The following TBC1D2 variants were observed in gnomAD, a reference collection of about 807,000 sequenced individuals.
TBC1D2 encodes TBC1 domain family member 2.
TBC1D2 carries 58 observed loss-of-function variants against 91.1 expected under a neutral mutation model. The ratio of observed to expected loss-of-function variants is 0.64; its 90% confidence interval spans 0.52 to 0.79. TBC1D2 has a LOEUF of 0.79. Ranked by LOEUF, TBC1D2 falls within the 30% of genes least tolerant of loss-of-function variation. The probability of loss-of-function intolerance (pLI) is 0.00; values close to 1 mark genes in which losing one functional copy is unlikely to be tolerated. For synonymous variants in TBC1D2, 482 were observed against 511.5 expected, an observed-to-expected ratio of 0.94 and a Z score of 0.78; for missense variants, 1,080 against 1,208.3, an observed-to-expected ratio of 0.89 and a Z score of 1.57.
At chr9:98,199,850 G>A (rs1828439244) in intron 12 of TBC1D2, among the ~76,000 whole-genome samples, 1 of 152,204 alleles carries the variant, frequency 6.6e-6, no homozygotes, top group African/African-American at 2.4e-5. Context: ...ACCCACGTGT[G>A]AGCTGAGTTT....
rs760847361 is a variant in TBC1D2, at chr9:98,224,821, G to C, written c.979-3593C>G. On this transcript the variant is annotated intron_variant, in intron 5 of 12. Transcript: ENST00000465784. ...CTCGGTTCCCATTCTGGATCCGTGGGGGGTGTATCTAACGAGGTGACTCTA... is the reference window on the plus strand; with the variant it reads ...CTCGGTTCCCATTCTGGATCCGTGGCGGGTGTATCTAACGAGGTGACTCTA... Among the ~76,000 whole-genome samples, 179 of 152,198 alleles carry C rather than the reference G, an allele frequency of 1.2e-3. 1 individual carries two copies. Among genetic ancestry groups the C allele is most frequent in the Non-Finnish European group, 2.0e-3 (133 of 68,004 alleles).
Position 98,242,803 on chromosome 9 carries a change from C to CTTTTTTTTTT in TBC1D2, c.647+1181_647+1190dup, listed in dbSNP as rs36035887. 1.4e-3 allele frequency among the ~76,000 whole-genome samples: 117 copies of CTTTTTTTTTT among 83,164 alleles called. 15 individuals carry two copies. The highest frequency in any genetic ancestry group is 5.6e-3 in the African/African-American group (107 of 19,042). The allele number at this position is 83,164 out of a possible 152,430, so 54.6% of individuals were successfully genotyped here. On this transcript the variant is annotated intron_variant, in intron 3 of 12. Transcript: ENST00000465784. ...TCCAAAGCCCAGGCCACACTGCTGC[C>CTTTTTTTTTT]TTTTTTTTTTTTTTTTTTTTTTTTT...
chr9:98,243,597 T>C (rs1450280155), intron 3 of TBC1D2, among the ~76,000 whole-genome samples: 1 of 147,754 alleles, frequency 6.8e-6, no homozygotes, highest in Non-Finnish European at 1.5e-5. Flanking sequence ...AGTGCAATGG[T>C]GCAATCTCGG....
At chr9:98,224,712 TC>T (rs1218967137) in intron 5 of TBC1D2, among the ~76,000 whole-genome samples, 2 of 152,234 alleles carry the variant, frequency 1.3e-5, no homozygotes, top group South Asian at 2.1e-4. Context: ...TAATCCTTTA[TC>T]TTTTTAGAGC....
intron 11 of TBC1D2, among the ~76,000 whole-genome samples, chr9:98,201,027 A>G (rs906074083): frequency 1.5e-4 from 23 of 151,890 alleles, no homozygotes; most frequent in Non-Finnish European, 8.8e-5. Context: ...AAAAAAAAAA[A>G]AAAGAAAGAA....
At chr9:98,203,251 C>A in intron 10 of TBC1D2, 37 bp downstream of exon 10, 6 of 1,612,668 alleles carry the variant, frequency 3.7e-6, no homozygotes, top group Non-Finnish European at 5.1e-6. Flanking sequence ...GGGCACTGCC[C>A]TACATGGCTG....
intron 8 of TBC1D2, among the ~76,000 whole-genome samples, chr9:98,209,710 CT>C (rs565949265): frequency 0.054 from 7,792 of 143,374 alleles, 378 homozygotes; most frequent in African/African-American, 0.13. Flanking sequence ...TTGCCTAAAT[CT>C]TTTTTTTTTC....
intron 2 of TBC1D2, among the ~76,000 whole-genome samples, chr9:98,251,559 A>G (rs373074376): frequency 3.3e-5 from 5 of 152,302 alleles, no homozygotes; most frequent in African/African-American, 1.2e-4. Flanking sequence ...GGGGAAGGAA[A>G]CAAGCTCAGA....
intron 5 of TBC1D2, 133 bp from the exon 6 acceptor site, chr9:98,221,361 T>C: frequency 8.9e-7 from 1 of 1,117,606 alleles, no homozygotes; most frequent in Non-Finnish European, 1.2e-6. Context: ...CATCTCATCC[T>C]GACACTCACT....
rs180989143 is a variant in TBC1D2 at position 98,227,137 on chromosome 9, C to T, written c.978+1815G>A. On this transcript the variant is annotated intron_variant, in intron 5 of 12. Transcript: ENST00000465784. ...TTCATGCCCTCTCAGCTCTCAGGAG[C>T]GTCCAGCAGCCTCAGAACTGGAGCA... Among the ~76,000 whole-genome samples, 288 of 152,342 alleles carry T rather than the reference C, an allele frequency of 1.9e-3. 2 individuals carry two copies. Among genetic ancestry groups the T allele is most frequent in the African/African-American group, 6.6e-3 (274 of 41,572 alleles).
chr9:98,240,883 A>C (rs530004510), intron 3 of TBC1D2, among the ~76,000 whole-genome samples: 1 of 152,276 alleles, frequency 6.6e-6, no homozygotes, highest in Admixed American at 6.5e-5. Context: ...CTTTGCTTGG[A>C]GCAGTTCATG....
intron 3 of TBC1D2, among the ~76,000 whole-genome samples, chr9:98,237,366 A>AG (rs1829530832): frequency 6.6e-6 from 1 of 151,974 alleles, no homozygotes; most frequent in Non-Finnish European, 1.5e-5. Flanking sequence ...AAGAAAAAAA[A>AG]GAAAGTCAGG....
At chr9:98,245,155 G>T (rs1475142275) in intron 2 of TBC1D2, among the ~76,000 whole-genome samples, 4 of 151,866 alleles carry the variant, frequency 2.6e-5, no homozygotes, top group Non-Finnish European at 5.9e-5. Flanking sequence ...CAGGAGAATG[G>T]CCTCAACCCA....
chr9:98,209,500 C>G (rs1828755549), intron 8 of TBC1D2, among the ~76,000 whole-genome samples: 2 of 152,190 alleles, frequency 1.3e-5, no homozygotes, highest in African/African-American at 4.8e-5. Context: ...GAGTCCTGCA[C>G]TGTGCATACA....
At chr9:98,247,143 C>T (rs759754934) in intron 2 of TBC1D2, among the ~76,000 whole-genome samples, 3 of 151,716 alleles carry the variant, frequency 2.0e-5, no homozygotes, top group Non-Finnish European at 2.9e-5. Flanking sequence ...GCCTGGCCAA[C>T]GTGGGGAAAC....
chr9:98,231,344 G>GT, intron 4 of TBC1D2, among the ~76,000 whole-genome samples: 1 of 126,284 alleles, frequency 7.9e-6, no homozygotes, highest in Non-Finnish European at 1.7e-5. Context: ...GAATTTAGGT[G>GT]TTTTTTATTA....
At chr9:98,200,755 C>T (rs532454674) in intron 11 of TBC1D2, among the ~76,000 whole-genome samples, 1 of 152,240 alleles carries the variant, frequency 6.6e-6, no homozygotes, top group East Asian at 1.9e-4. Context: ...GTGGCTCATG[C>T]CAGTAATTCC....
intron 6 of TBC1D2, among the ~76,000 whole-genome samples, chr9:98,220,260 A>AG (rs1212626746): frequency 6.6e-6 from 1 of 152,134 alleles, no homozygotes; most frequent in East Asian, 1.9e-4. Context: ...ACATCTGTAA[A>AG]GGGGGAGCAC....
intron 6 of TBC1D2, chr9:98,213,565 G>C (rs1828901827): frequency 3.3e-6 from 1 of 301,938 alleles, no homozygotes; most frequent in Non-Finnish European, 5.7e-6. Flanking sequence ...AACTAAGTGA[G>C]ATAATGTGTG....
Sources: allele counts gnomAD v4.1 joint callset (sites outside exome capture counted in the v4.1 genomes callset), GRCh38; gene constraint gnomAD v4.1.1; transcripts MANE v1.5; gene names NCBI Gene and HGNC (gene_info 2026-07-23, HGNC 2026-07-21).